FRMD3: variants seen among roughly 807,000 people sequenced by gnomAD.
The protein encoded by FRMD3 is FERM domain-containing protein 3.
A neutral mutation model predicts 70.2 loss-of-function variants in FRMD3; 33 were observed. The ratio of observed to expected loss-of-function variants is 0.47; its 90% confidence interval spans 0.36 to 0.63. The LOEUF is 0.63. FRMD3 is among the 20% of genes least tolerant of loss of function. The pLI, the probability that FRMD3 is intolerant of heterozygous loss-of-function variation, is 0.00. For synonymous variants in FRMD3, 279 were observed against 255.9 expected (o/e 1.09, Z -0.86); for missense variants, 632 against 711.4 (o/e 0.89, Z 1.27).
chr9:83,401,354 ATGT>A (rs1222345185), intron 1 of FRMD3, among the ~76,000 whole-genome samples: 1 of 152,220 alleles, frequency 6.6e-6, no homozygotes, highest in Non-Finnish European at 1.5e-5. Context: ...GAATCACAGA[ATGT>A]TGGAGTTGGA....
Position 83,247,851 on chromosome 9 carries a change from AGGCATTT to A in FRMD3, c.*60_*66del, listed in dbSNP as rs1277632320. On this transcript the variant is annotated 3_prime_UTR_variant, in exon 14 of 14. Coordinates refer to ENST00000304195, the MANE Select transcript of FRMD3 (RefSeq NM_174938.6). Reference sequence around the variant, plus strand: ...GACAGCCCCGTGACCCTTCAGAACCAGGCATTTGCTGAAAAAAAGAAATCACTAGCAT... The same window carrying A: ...GACAGCCCCGTGACCCTTCAGAACCAGCTGAAAAAAAGAAATCACTAGCAT... 1.3e-6 allele frequency: 2 copies of A among 1,568,080 alleles called. No homozygotes were observed. The highest frequency in any genetic ancestry group is 1.7e-6 in the Non-Finnish European group (2 of 1,156,628).
At chr9:83,488,113 AC>A (rs1457486853) in intron 1 of FRMD3, among the ~76,000 whole-genome samples, 2 of 151,746 alleles carry the variant, frequency 1.3e-5, no homozygotes, top group Non-Finnish European at 2.9e-5. Context: ...CAACATATAT[AC>A]TCCTTTGGCC....
At chr9:83,584,170 C>T in the FRMD3 span, among the ~76,000 whole-genome samples, 2 of 152,010 alleles carry the variant, frequency 1.3e-5, no homozygotes, top group African/African-American at 4.8e-5. Context: ...CCCATCTCTA[C>T]TAAAAATACA....
At chr9:83,263,420 T>C (rs571937434) in intron 13 of FRMD3, among the ~76,000 whole-genome samples, 1 of 141,976 alleles carries the variant, frequency 7.0e-6, no homozygotes, top group East Asian at 2.2e-4. Flanking sequence ...AAATTTTATC[T>C]CCTGAAAGGA....
At chr9:83,302,767 T>C (rs929059479) in intron 10 of FRMD3, among the ~76,000 whole-genome samples, 7 of 150,276 alleles carry the variant, frequency 4.7e-5, no homozygotes, top group African/African-American at 1.8e-4. Flanking sequence ...TTCTGAGCAC[T>C]CTGTTTACCA....
chr9:83,420,756 T>G (rs1826609953), intron 1 of FRMD3, among the ~76,000 whole-genome samples: 1 of 151,992 alleles, frequency 6.6e-6, no homozygotes. Flanking sequence ...GAAATCTGAT[T>G]GTTAAAAAGA....
At chr9:83,407,418 T>G (rs545541928) in intron 1 of FRMD3, among the ~76,000 whole-genome samples, 2 of 152,296 alleles carry the variant, frequency 1.3e-5, no homozygotes, top group East Asian at 3.9e-4. Flanking sequence ...GGGAGAAAAT[T>G]GTGTAGATAT....
At chr9:83,521,971 T>A (rs1829580943) in intron 1 of FRMD3, among the ~76,000 whole-genome samples, 2 of 152,160 alleles carry the variant, frequency 1.3e-5, no homozygotes, top group African/African-American at 4.8e-5. Flanking sequence ...TCTTGGCCCT[T>A]CCCAGGCTGG....
the FRMD3 span, among the ~76,000 whole-genome samples, chr9:83,557,758 G>A: frequency 1.3e-5 from 2 of 152,146 alleles, no homozygotes; most frequent in African/African-American, 2.4e-5. Context: ...GGGGAAAAAC[G>A]AAAAGAAATA....
At chr9:83,432,085 C>A (rs1247834618) in intron 1 of FRMD3, among the ~76,000 whole-genome samples, 1 of 152,176 alleles carries the variant, frequency 6.6e-6, no homozygotes, top group African/African-American at 2.4e-5. Context: ...ATTGCATTCC[C>A]AATCTAGTGG....
chr9:83,523,193 T>TGGAG, intron 1 of FRMD3, among the ~76,000 whole-genome samples: 1 of 130,296 alleles, frequency 7.7e-6, no homozygotes, highest in Middle Eastern at 3.9e-3. Context: ...GATGGATGGA[T>TGGAG]GGACGGACGG....
intron 13 of FRMD3, among the ~76,000 whole-genome samples, chr9:83,264,746 C>T (rs904930790): frequency 2.7e-5 from 4 of 149,182 alleles, no homozygotes; most frequent in African/African-American, 9.8e-5. Flanking sequence ...AGAAATATAC[C>T]CTTTAATATA....
At chr9:83,472,247 AT>A (rs1250389255) in intron 1 of FRMD3, among the ~76,000 whole-genome samples, 2 of 152,236 alleles carry the variant, frequency 1.3e-5, no homozygotes, top group Non-Finnish European at 2.9e-5. Flanking sequence ...CCCAAGAGCC[AT>A]AAATAAGCTG....
chr9:83,496,415 C>T (rs551920251), intron 1 of FRMD3, among the ~76,000 whole-genome samples: 11 of 152,186 alleles, frequency 7.2e-5, no homozygotes, highest in Non-Finnish European at 1.3e-4. Flanking sequence ...CTCCCCATCA[C>T]TCAACCAACT....
chr9:83,274,574 T>C lies in FRMD3; in HGVS notation c.1195+16029A>G, dbSNP rs145177393. ...GGGAACCAGCACGAGAAGGAAGGAA[T>C]TGGCACAGACAGGTGGTGCTGGAAG... is the stretch of plus-strand genomic sequence containing the variant. On this transcript the variant is annotated intron_variant, in intron 13 of 13. Coordinates refer to ENST00000304195, the MANE Select transcript of FRMD3 (RefSeq NM_174938.6). Among the ~76,000 whole-genome samples the C allele has an allele frequency of 6.2e-3, 936 of 151,754 alleles. 8 individuals are homozygous for C. Among genetic ancestry groups the C allele is most frequent in the Non-Finnish European group, 1.0e-2 (678 of 67,936 alleles).
chr9:83,300,549 G>A (rs1050556116), intron 10 of FRMD3, among the ~76,000 whole-genome samples: 4 of 152,182 alleles, frequency 2.6e-5, no homozygotes, highest in African/African-American at 9.7e-5. Flanking sequence ...CTCAGAAGGG[G>A]AGGGTAGTAG....
intron 3 of FRMD3, among the ~76,000 whole-genome samples, chr9:83,353,238 G>A (rs1824221757): frequency 6.7e-6 from 1 of 148,916 alleles, no homozygotes; most frequent in African/African-American, 2.5e-5. Flanking sequence ...CTGATGAGAA[G>A]GTCAATGTCT....
chr9:83,522,827 C>T (rs1385096532), intron 1 of FRMD3, among the ~76,000 whole-genome samples: 4 of 151,936 alleles, frequency 2.6e-5, no homozygotes, highest in East Asian at 1.9e-4. Flanking sequence ...CCTCCCAAAG[C>T]GCTGGGATTA....
At chr9:83,464,417 A>G (rs7869397) in intron 1 of FRMD3, among the ~76,000 whole-genome samples, 58,175 of 151,998 alleles carry the variant, frequency 0.38, 11,648 homozygotes, top group Middle Eastern at 0.49. Context: ...TGGCTCATGC[A>G]CTGTCCCATT....
Sources: allele counts gnomAD v4.1 joint callset (sites outside exome capture counted in the v4.1 genomes callset), GRCh38; gene constraint gnomAD v4.1.1; transcripts MANE v1.5; gene names NCBI Gene and HGNC (gene_info 2026-07-23, HGNC 2026-07-21).